The following IMMP2L variants were observed in gnomAD, a reference collection of about 807,000 sequenced individuals.
IMMP2L encodes the protein mitochondrial inner membrane protease subunit 2.
IMMP2L carries 18 observed loss-of-function variants against 19.3 expected under a neutral mutation model. The ratio of observed to expected loss-of-function variants is 0.93; its 90% CI spans 0.64 to 1.38. The LOEUF is 1.38. Ranked by LOEUF, IMMP2L falls within the 40% of genes most tolerant of loss-of-function variation. IMMP2L has a pLI of 0.00. For missense variants in IMMP2L, 233 were observed against 218.2 expected, an observed-to-expected ratio of 1.07 and a Z score of -0.43; for synonymous variants, 76 against 73.0, an observed-to-expected ratio of 1.04 and a Z score of -0.21.
At chr7:111,506,460 C>T (rs1457078458) in intron 2 of IMMP2L, among the ~76,000 whole-genome samples, 6 of 152,092 alleles carry the variant, frequency 3.9e-5, no homozygotes. Flanking sequence ...TGCAGTGGTG[C>T]AATCTCAGCT....
chr7:111,424,775 C>T (rs1003105209), intron 3 of IMMP2L, among the ~76,000 whole-genome samples: 10 of 151,782 alleles, frequency 6.6e-5, no homozygotes, highest in Non-Finnish European at 1.5e-4. Flanking sequence ...AATTCTACCA[C>T]AAAACCAAAA....
intron 5 of IMMP2L, among the ~76,000 whole-genome samples, chr7:110,765,942 AT>A (rs1798629123): frequency 6.6e-6 from 1 of 152,232 alleles, no homozygotes; most frequent in East Asian, 1.9e-4. Context: ...GCCTCATCCT[AT>A]TTTTTAAAAA....
chr7:111,289,114 T>G (rs1332081005), intron 3 of IMMP2L, among the ~76,000 whole-genome samples: 1 of 152,102 alleles, frequency 6.6e-6, no homozygotes, highest in East Asian at 1.9e-4. Flanking sequence ...TCGTGTCCTT[T>G]GCAAGGACAT....
intron 3 of IMMP2L, among the ~76,000 whole-genome samples, chr7:111,284,547 G>A (rs1254871711): frequency 6.6e-6 from 1 of 152,124 alleles, no homozygotes; most frequent in Non-Finnish European, 1.5e-5. Flanking sequence ...GGAATGTTTG[G>A]GAAAACCGTA....
At chr7:111,234,446 G>C (rs1814061361) in intron 3 of IMMP2L, among the ~76,000 whole-genome samples, 1 of 152,068 alleles carries the variant, frequency 6.6e-6, no homozygotes, top group Non-Finnish European at 1.5e-5. Flanking sequence ...AGTTCTTTCA[G>C]ATTTTGCTTC....
chr7:111,500,496 G>A (rs1416709031), intron 2 of IMMP2L, among the ~76,000 whole-genome samples: 1 of 152,152 alleles, frequency 6.6e-6, no homozygotes, highest in Non-Finnish European at 1.5e-5. Flanking sequence ...CTGAGAAAGG[G>A]CAGACTGCCT....
intron 3 of IMMP2L, among the ~76,000 whole-genome samples, chr7:111,368,904 G>C (rs1262504319): frequency 6.6e-6 from 1 of 151,828 alleles, no homozygotes; most frequent in African/African-American, 2.4e-5. Context: ...TCTGAAGTGT[G>C]AATTCATTCT....
chr7:111,008,625 T>C (rs1220255596), intron 3 of IMMP2L, among the ~76,000 whole-genome samples: 3 of 151,750 alleles, frequency 2.0e-5, no homozygotes, highest in African/African-American at 7.3e-5. Flanking sequence ...TTCTTCTGGC[T>C]CCTCTCTTAC....
chr7:110,765,231 T>C (rs1308151329), intron 5 of IMMP2L, among the ~76,000 whole-genome samples: 1 of 152,180 alleles, frequency 6.6e-6, no homozygotes, highest in African/African-American at 2.4e-5. Context: ...AAATATTCTA[T>C]GCCTATAATA....
chr7:111,286,372 C>G (rs1159781138), intron 3 of IMMP2L, among the ~76,000 whole-genome samples: 1 of 152,078 alleles, frequency 6.6e-6, no homozygotes, highest in Non-Finnish European at 1.5e-5. Flanking sequence ...CCACCACGAT[C>G]AACGCAATAA....
chr7:111,444,982 G>T (rs1458299582), intron 3 of IMMP2L, among the ~76,000 whole-genome samples: 2 of 151,974 alleles, frequency 1.3e-5, no homozygotes, highest in Admixed American at 1.3e-4. Context: ...CAAGATGCAG[G>T]TTTATAGTCT....
chr7:111,428,159 T>G (rs183609250), intron 3 of IMMP2L, among the ~76,000 whole-genome samples: 1 of 151,918 alleles, frequency 6.6e-6, no homozygotes, highest in Admixed American at 6.6e-5. Context: ...AGAGTGATTT[T>G]CTTTATTGTT....
chr7:111,452,306 A>G (rs1839279147), intron 3 of IMMP2L, among the ~76,000 whole-genome samples: 1 of 152,170 alleles, frequency 6.6e-6, no homozygotes, highest in Non-Finnish European at 1.5e-5. Context: ...GTCAAGATAT[A>G]TAGAGTTTTG....
intron 3 of IMMP2L, among the ~76,000 whole-genome samples, chr7:111,074,312 A>T (rs1290869344): frequency 6.6e-6 from 1 of 152,246 alleles, no homozygotes; most frequent in African/African-American, 2.4e-5. Flanking sequence ...TTAGCTGATT[A>T]TCACTTTGTG....
intron 3 of IMMP2L, among the ~76,000 whole-genome samples, chr7:110,988,045 G>C (rs1822041771): frequency 6.6e-6 from 1 of 152,178 alleles, no homozygotes; most frequent in Non-Finnish European, 1.5e-5. Context: ...GCTGACTATG[G>C]AGAACAAAGT....
intron 3 of IMMP2L, among the ~76,000 whole-genome samples, chr7:111,038,631 T>C (rs1791583232): frequency 6.6e-6 from 1 of 152,088 alleles, no homozygotes; most frequent in Non-Finnish European, 1.5e-5. Flanking sequence ...GGCATAAAAC[T>C]ATACAACTTC....
intron 1 of IMMP2L, among the ~76,000 whole-genome samples, chr7:111,527,347 T>C (rs745729126): frequency 4.7e-5 from 7 of 149,212 alleles, no homozygotes; most frequent in Non-Finnish European, 1.0e-4. Flanking sequence ...AGCTAAGGAG[T>C]TTGAGACTGC....
At chr7:110,911,986 A>G (rs1253237120) in intron 4 of IMMP2L, among the ~76,000 whole-genome samples, 2 of 152,122 alleles carry the variant, frequency 1.3e-5, no homozygotes, top group Non-Finnish European at 2.9e-5. Context: ...TTCCTATAGT[A>G]CATGCAATGT....
At chr7:110,882,603 A>G (rs1809800382) in intron 5 of IMMP2L, among the ~76,000 whole-genome samples, 1 of 151,488 alleles carries the variant, frequency 6.6e-6, no homozygotes. Context: ...CTGGTCTCGA[A>G]CTCCTGACCT....
Sources: gnomAD v4.1 joint callset for allele counts (sites outside exome capture counted in the v4.1 genomes callset) on GRCh38, gnomAD v4.1.1 for gene constraint, MANE v1.5 for transcripts, NCBI Gene and HGNC (gene_info 2026-07-23, HGNC 2026-07-21) for gene names.